The following MSTO1 variants were observed in gnomAD, a reference collection of about 807,000 sequenced individuals.
MSTO1 encodes the protein protein misato homolog 1.
In MSTO1, 24 loss-of-function variants were observed where a neutral mutation model predicts 55.7. The observed-to-expected ratio is 0.43, with a 90% CI of 0.31 to 0.61. The LOEUF (loss-of-function observed/expected upper bound fraction) is 0.61. MSTO1 is among the 20% of genes least tolerant of loss of function. MSTO1 has a pLI of 0.09. For missense variants in MSTO1, 363 were observed against 625.7 expected, an observed-to-expected ratio of 0.58 and a Z score of 4.48; for synonymous variants, 162 against 252.8, an observed-to-expected ratio of 0.64 and a Z score of 3.41.
At chr1:155,588,019 A>T in the MSTO1 span, among the ~76,000 whole-genome samples, 1 of 152,028 alleles carries the variant, frequency 6.6e-6, no homozygotes, top group East Asian at 1.9e-4. Context: ...CAGCCTGGCC[A>T]AAATGGTGAA....
chr1:155,607,902 T>G (rs1672964794), upstream of MSTO1, among the ~76,000 whole-genome samples: 1 of 152,126 alleles, frequency 6.6e-6, no homozygotes, highest in Non-Finnish European at 1.5e-5. Context: ...GAGGCTGAGG[T>G]GGGAGGATCG....
chr1:155,609,104 G>A (rs1240886373), upstream of MSTO1, among the ~76,000 whole-genome samples: 1 of 151,362 alleles, frequency 6.6e-6, no homozygotes, highest in Non-Finnish European at 1.5e-5. Flanking sequence ...TGGGATTACA[G>A]GCGTAAACTA....
At chr1:155,582,095 T>C in the MSTO1 span, among the ~76,000 whole-genome samples, 7 of 151,930 alleles carry the variant, frequency 4.6e-5, no homozygotes, top group African/African-American at 1.7e-4. Flanking sequence ...AGTTTCACCA[T>C]GTTAGCCAAG....
the MSTO1 span, among the ~76,000 whole-genome samples, chr1:155,583,882 G>T: frequency 6.6e-6 from 1 of 152,082 alleles, no homozygotes; most frequent in Admixed American, 6.6e-5. Flanking sequence ...AGCACAGTGG[G>T]GCAGGTCAAA....
At chr1:155,596,011 T>C in the MSTO1 span, among the ~76,000 whole-genome samples, 2 of 152,252 alleles carry the variant, frequency 1.3e-5, no homozygotes, top group South Asian at 4.1e-4. Context: ...TAAATGAAAT[T>C]AATTTGTGGT....
At chr1:155,607,524 C>T (rs1321579587), upstream of MSTO1, among the ~76,000 whole-genome samples, 3 of 152,142 alleles carry the variant, frequency 2.0e-5, no homozygotes, top group Non-Finnish European at 2.9e-5. Context: ...GATAATCTAA[C>T]GATGTAATTT....
chr1:155,605,001 C>T, the MSTO1 span, among the ~76,000 whole-genome samples: 1 of 152,334 alleles, frequency 6.6e-6, no homozygotes, highest in South Asian at 2.1e-4. Context: ...TGGCTCACGC[C>T]TGTAATCCCA....
rs1053026618 is a variant in MSTO1 at position 155,614,782 on chromosome 1, C to G, written c.*509C>G. ...ATGGTCAGACAGCTGGTCTGCATTGCTGGTACTGGTTGCATCATCCTCATC... is the reference window on the plus strand; with the variant it reads ...ATGGTCAGACAGCTGGTCTGCATTGGTGGTACTGGTTGCATCATCCTCATC... On this transcript the variant is annotated 3_prime_UTR_variant, in exon 14 of 14. Transcript: ENST00000245564. 1,060 of 1,546,420 alleles carry G rather than the reference C, an allele frequency of 6.9e-4. 1 individual carries two copies. The highest frequency in any genetic ancestry group is 8.5e-4 in the Non-Finnish European group (954 of 1,126,244).
At chr1:155,606,198 C>CTTTTTTTTTTTTTTTTTTTTT (rs747681932), upstream of MSTO1, among the ~76,000 whole-genome samples, 3 of 28,090 alleles carry the variant, frequency 1.1e-4, 1 homozygote, top group Non-Finnish European at 2.1e-4. Context: ...CATGCCCAGC[C>CTTTTTTTTTTTTTTTTTTTTT]TTTTTTTTTT....
At chr1:155,575,846 C>G in the MSTO1 span, among the ~76,000 whole-genome samples, 1 of 144,810 alleles carries the variant, frequency 6.9e-6, no homozygotes, top group African/African-American at 2.7e-5. Context: ...ATTTTTGAGA[C>G]AGAGTTCGCT....
rs1279452851 is a variant in MSTO1 at position 155,614,530 on chromosome 1, C to G, written c.*257C>G. The G allele has an allele frequency of 1.6e-6, 1 of 624,556 alleles. No homozygotes were observed. Among genetic ancestry groups the G allele is most frequent in the Non-Finnish European group, 2.9e-6 (1 of 346,036 alleles). 38.7% of individuals were successfully genotyped at this position (624,556 alleles called of 1,614,324 possible). On this transcript the variant is annotated 3_prime_UTR_variant, in exon 14 of 14. Coordinates refer to ENST00000245564, the MANE Select transcript of MSTO1 (RefSeq NM_018116.4). ...CATCTGTAAAGTCTTCATAAAAGAC[C>G]TTGAATGATGCCTAGGATGGCAGAG...
chr1:155,612,840 A>G lies in MSTO1; in HGVS notation c.967-4A>G. 6.2e-7 allele frequency: 1 copy of G among 1,613,806 alleles called. No individual in the cohort carries two copies. Among genetic ancestry groups the G allele is most frequent in the South Asian group, 1.1e-5 (1 of 91,068 alleles). On this transcript the variant is annotated splice_region_variant and splice_polypyrimidine_tract_variant and intron_variant, in intron 9 of 13. Coordinates refer to ENST00000245564, the MANE Select transcript of MSTO1 (RefSeq NM_018116.4). ...CAAGTGCCCATCTTGGTGTCTTCTT[A>G]CAGGCCACTCTGCCCTTCCACTGCA...
the MSTO1 span, among the ~76,000 whole-genome samples, chr1:155,578,322 C>A: frequency 1.6e-4 from 19 of 120,466 alleles, no homozygotes; most frequent in Admixed American, 8.4e-4. Flanking sequence ...GAGCAGAGGA[C>A]CATAACTACC....
the MSTO1 span, among the ~76,000 whole-genome samples, chr1:155,597,363 G>A: frequency 5.6e-4 from 85 of 150,942 alleles, no homozygotes; most frequent in Admixed American, 3.2e-3. Context: ...CCAGCTACTC[G>A]GGAGGCTGAG....
chr1:155,594,446 A>G, the MSTO1 span, among the ~76,000 whole-genome samples: 1 of 152,102 alleles, frequency 6.6e-6, no homozygotes, highest in Non-Finnish European at 1.5e-5. Flanking sequence ...GAGAGAGGGA[A>G]GTTGAAGTAG....
At chr1:155,569,317 A>G in the MSTO1 span, among the ~76,000 whole-genome samples, 1,041 of 149,372 alleles carry the variant, frequency 7.0e-3, 16 homozygotes, top group Middle Eastern at 0.017. Flanking sequence ...TTGTATTTTT[A>G]GTGGAGACAG....
At chr1:155,571,949 G>A in the MSTO1 span, among the ~76,000 whole-genome samples, 1 of 151,930 alleles carries the variant, frequency 6.6e-6, no homozygotes, top group African/African-American at 2.4e-5. Context: ...GGCTGAGGCA[G>A]GAGAATCATT....
chr1:155,585,396 A>G, the MSTO1 span, among the ~76,000 whole-genome samples: 121 of 152,020 alleles, frequency 8.0e-4, no homozygotes, highest in African/African-American at 2.8e-3. Context: ...GGTGGCGGGC[A>G]CCTATAGTTC....
At position 155,613,466 on chromosome 1, in the gene MSTO1, C is replaced by T. The variant is rs536325674; in HGVS notation, c.1288C>T (p.Leu430Phe). ...GTTTTGGCTTTGTTCTGGCAGCCAGCTCACCCCAGGGACACCTCCACCCTC... is the reference window on the plus strand; with the variant it reads ...GTTTTGGCTTTGTTCTGGCAGCCAGTTCACCCCAGGGACACCTCCACCCTC... ...GIDRACHTSQ[L>F]TPGTPPPSAL... is the part of the protein sequence containing the mutation. The change falls in exon 12 of 14, where the codon CTC (leucine) becomes TTC (phenylalanine). Residue 430 changes from leucine to phenylalanine, a missense_variant. Physicochemically the swap from Leu to Phe is conservative, Grantham distance 22. Around this residue, in one of 3 missense-constraint regions of MSTO1, gnomAD observed 231 missense variants for 286.9 expected, o/e 0.81. Transcript: ENST00000245564. 1 of 1,614,064 alleles carries T rather than the reference C, an allele frequency of 6.2e-7. No homozygotes were observed. Among genetic ancestry groups the T allele is most frequent in the South Asian group, 1.1e-5 (1 of 91,064 alleles).
Sources: gnomAD v4.1 joint callset for allele counts (sites outside exome capture counted in the v4.1 genomes callset) on GRCh38, gnomAD v4.1.1 for gene constraint, gnomAD v4.1.1 regional missense constraint, MANE v1.5 for transcripts, NCBI Gene and HGNC (gene_info 2026-07-23, HGNC 2026-07-21) for gene names.